Variants in GNAS-AS1 observed in about 807,000 individuals in gnomAD.
GNAS-AS1 encodes GNAS antisense RNA 1 (non-protein coding).
At position 58,840,727 on chromosome 20, in the gene GNAS-AS1, G is replaced by A. The variant is rs1428938511; in HGVS notation, n.819+1210C>T. 6 of 1,604,250 alleles carry A rather than the reference G, an allele frequency of 3.7e-6. No homozygotes were observed. Among genetic ancestry groups the A allele is most frequent in the African/African-American group, 1.3e-5 (1 of 74,902 alleles). ...AAGATCCAAGGGACCCCGAAGAGTC[G>A]AAGGAGCCCAAGGAGGAGAAGCAGC... On this transcript the variant is annotated intron_variant and non_coding_transcript_variant, in intron 4 of 4. Transcript: ENST00000424094. This position sits in a 1 kb window ranked among gnomAD's most constrained non-coding sequence, Gnocchi z 6.0.
intron 2 of GNAS-AS1, among the ~76,000 whole-genome samples, chr20:58,844,919 A>G (rs879881241): frequency 1.3e-5 from 2 of 152,230 alleles, no homozygotes; most frequent in Non-Finnish European, 2.9e-5. Flanking sequence ...TCTGCTTTAC[A>G]GTTGGTTGCA....
chr20:58,840,854 C>A lies in GNAS-AS1; in HGVS notation n.819+1083G>T. ...CATCCGGCGTCACTAATGGAGGACGCCGTCCAGATTCTCCTTGTTTTCATG... is the reference window on the plus strand; with the variant it reads ...CATCCGGCGTCACTAATGGAGGACGACGTCCAGATTCTCCTTGTTTTCATG... On this transcript the variant is annotated intron_variant and non_coding_transcript_variant, in intron 4 of 4. Coordinates refer to ENST00000424094, the Ensembl canonical transcript of GNAS-AS1. The surrounding 1 kb of genome is among the most constrained non-coding windows in gnomAD (Gnocchi z 6.0). The A allele has an allele frequency of 6.2e-7, 1 of 1,612,804 alleles. No homozygotes were observed. The highest frequency in any genetic ancestry group is 1.1e-5 in the South Asian group (1 of 91,076).
At chr20:58,835,373 G>A (rs146492417) in intron 4 of GNAS-AS1, among the ~76,000 whole-genome samples, 48 of 152,244 alleles carry the variant, frequency 3.2e-4, no homozygotes, top group Non-Finnish European at 5.6e-4. Context: ...ACAATAGCCT[G>A]CAAGCCTTCT....
chr20:58,828,161 C>T (rs371899072), intron 4 of GNAS-AS1, among the ~76,000 whole-genome samples: 1 of 152,282 alleles, frequency 6.6e-6, no homozygotes, highest in East Asian at 1.9e-4. Flanking sequence ...TAGCCTTGGC[C>T]AAACCCTTCC....
chr20:58,831,039 T>A (rs928781867), intron 4 of GNAS-AS1, among the ~76,000 whole-genome samples: 1 of 152,080 alleles, frequency 6.6e-6, no homozygotes, highest in Non-Finnish European at 1.5e-5. Flanking sequence ...AAGGATGAAG[T>A]CAGAGAAAGC....
chr20:58,839,350 C>A, intron 4 of GNAS-AS1: 1 of 398,786 alleles, frequency 2.5e-6, no homozygotes, highest in Non-Finnish European at 4.4e-6. Context: ...AGGCTTAATA[C>A]TCGTGTATAG....
intron 4 of GNAS-AS1, among the ~76,000 whole-genome samples, chr20:58,827,643 T>C (rs1049908940): frequency 5.9e-5 from 9 of 152,142 alleles, no homozygotes; most frequent in Non-Finnish European, 1.2e-4. Flanking sequence ...GATGGTGAAA[T>C]AGAACAAGGC....
chr20:58,849,821 C>A (rs865945693), intron 1 of GNAS-AS1, among the ~76,000 whole-genome samples: 1 of 152,206 alleles, frequency 6.6e-6, no homozygotes, highest in African/African-American at 2.4e-5. Flanking sequence ...GTGCATAACC[C>A]CTTTCCTTTG....
chr20:58,833,586 TG>T (rs2085581695), intron 4 of GNAS-AS1, among the ~76,000 whole-genome samples: 1 of 151,544 alleles, frequency 6.6e-6, no homozygotes, highest in South Asian at 2.1e-4. Flanking sequence ...AAAGAAGAAG[TG>T]GAAAGAAAAC....
chr20:58,848,364 C>T (rs1207279391), intron 2 of GNAS-AS1, among the ~76,000 whole-genome samples: 3 of 152,176 alleles, frequency 2.0e-5, no homozygotes, highest in Non-Finnish European at 4.4e-5. Flanking sequence ...CATCCCAACT[C>T]GGCCTTTTTT....
intron 4 of GNAS-AS1, among the ~76,000 whole-genome samples, chr20:58,838,150 T>A (rs2085621407): frequency 6.6e-6 from 1 of 152,200 alleles, no homozygotes. Context: ...TTGCTCTGAG[T>A]TGTTTCGCCT....
chr20:58,842,537 T>A, exon 3 of GNAS-AS1: 1 of 398,652 alleles, frequency 2.5e-6, no homozygotes, highest in East Asian at 3.6e-5. Context: ...GATGCTTTTG[T>A]GGTCTTCCCT....
chr20:58,819,806 AC>A (rs1392223013), intron 4 of GNAS-AS1, among the ~76,000 whole-genome samples: 6 of 152,144 alleles, frequency 3.9e-5, no homozygotes, highest in African/African-American at 1.2e-4. Flanking sequence ...GAGCAGGCAA[AC>A]CCATCTACCT....
chr20:58,830,463 ACCACAC>A (rs2085554964), intron 4 of GNAS-AS1, among the ~76,000 whole-genome samples: 1 of 104,752 alleles, frequency 9.5e-6, no homozygotes, highest in Non-Finnish European at 2.0e-5. Flanking sequence ...CATCACCACC[ACCACAC>A]CACCATCATC....
intron 4 of GNAS-AS1, among the ~76,000 whole-genome samples, chr20:58,838,350 AG>A (rs1022707750): frequency 2.0e-4 from 31 of 152,300 alleles, no homozygotes; most frequent in African/African-American, 7.5e-4. Flanking sequence ...AGCCTTGCAG[AG>A]TACAACAACA....
rs2085650499 is a variant in GNAS-AS1 at position 58,839,698 on chromosome 20, G to C, written n.819+2239C>G. 6.4e-6 allele frequency: 3 copies of C among 471,344 alleles called. No homozygotes were observed. The East Asian group carries it at 9.5e-5, about 15-fold the overall frequency. The allele number at this position is 471,344 out of a possible 1,614,324, so 29.2% of individuals were successfully genotyped here. On this transcript the variant is annotated intron_variant and non_coding_transcript_variant, in intron 4 of 4. Transcript: ENST00000424094. Reference sequence around the variant, plus strand: ...TCCTTACTGCACATGCCCGGCAGAAGTCCGGGCGCGCAACTTCGCAGAACC... The same window carrying C: ...TCCTTACTGCACATGCCCGGCAGAACTCCGGGCGCGCAACTTCGCAGAACC...
chr20:58,844,682 G>C (rs1420086311), intron 2 of GNAS-AS1, among the ~76,000 whole-genome samples: 9 of 64,886 alleles, frequency 1.4e-4, no homozygotes, highest in Non-Finnish European at 2.6e-4. Flanking sequence ...CTCTACACTA[G>C]TGATTTAACC....
chr20:58,834,163 T>C lies in GNAS-AS1; in HGVS notation n.819+7774A>G, dbSNP rs1468166680. The C allele has an allele frequency of 6.6e-5, 10 of 152,306 alleles. No homozygotes were observed. In the East Asian group the frequency reaches 1.7e-3, roughly 26 times the overall value. 9.4% of individuals were successfully genotyped at this position (152,306 alleles called of 1,614,324 possible). A position where few individuals can be genotyped will look rare whatever the true frequency, so the allele number is the denominator to read the frequency against. On this transcript the variant is annotated intron_variant and non_coding_transcript_variant, in intron 4 of 4. Transcript: ENST00000424094. ...TGAGTCAGATCCTCAGCAGATAAGA[T>C]GAAAACAACTTTGAGGCTCTCTGTC...
intron 4 of GNAS-AS1, among the ~76,000 whole-genome samples, chr20:58,831,991 C>T (rs1185416387): frequency 6.6e-6 from 1 of 152,206 alleles, no homozygotes; most frequent in Non-Finnish European, 1.5e-5. Context: ...CTTAGTTCAA[C>T]TCTTTCCCTG....
Sources: gnomAD v4.1 joint callset for allele counts (sites outside exome capture counted in the v4.1 genomes callset) on GRCh38, gnomAD v4.1.1 for gene constraint, Gnocchi (gnomAD v3.1) non-coding constraint, MANE v1.5 for transcripts, NCBI Gene and HGNC (gene_info 2026-07-23, HGNC 2026-07-21) for gene names.